Variants in MAPRE2 observed in about 807,000 individuals in gnomAD.
MAPRE2 encodes microtubule associated protein RP/EB family member 2.
Under a neutral mutation model 43.2 loss-of-function variants are expected in MAPRE2, and 13 were observed. That is an observed-to-expected ratio of 0.30 (90% CI 0.20 to 0.48). The LOEUF (loss-of-function observed/expected upper bound fraction) is 0.48. Among genes scored for constraint, MAPRE2 ranks in the 20% least tolerant of loss-of-function variants. The pLI is 0.99. For synonymous variants in MAPRE2, 135 were observed against 148.8 expected (o/e 0.91, Z 0.68); for missense variants, 161 against 400.2 (o/e 0.40, Z 5.10).
At chr18:35,028,060 G>A (rs746023055) in intron 2 of MAPRE2, among the ~76,000 whole-genome samples, 16 of 152,292 alleles carry the variant, frequency 1.1e-4, no homozygotes, top group Non-Finnish European at 1.9e-4. Context: ...TTCTCACAGG[G>A]CAGCTGACCT....
At chr18:35,113,754 A>G (rs1466295673) in intron 4 of MAPRE2, among the ~76,000 whole-genome samples, 1 of 152,024 alleles carries the variant, frequency 6.6e-6, no homozygotes, top group African/African-American at 2.4e-5. Flanking sequence ...TTAGCCAAGC[A>G]TGGTGGCACA....
chr18:35,129,692 A>G (rs1343608246), intron 5 of MAPRE2, among the ~76,000 whole-genome samples: 2 of 152,306 alleles, frequency 1.3e-5, no homozygotes, highest in East Asian at 3.9e-4. Flanking sequence ...ATGGGTGTCG[A>G]TTAGCCCAGG....
chr18:35,118,013 G>C (rs1370690185), intron 4 of MAPRE2, among the ~76,000 whole-genome samples: 1 of 152,068 alleles, frequency 6.6e-6, no homozygotes, highest in Non-Finnish European at 1.5e-5. Context: ...AGAATCACAT[G>C]ATGGCTAAAA....
At chr18:35,111,587 C>A (rs966080906) in intron 4 of MAPRE2, among the ~76,000 whole-genome samples, 2 of 152,162 alleles carry the variant, frequency 1.3e-5, no homozygotes, top group African/African-American at 4.8e-5. Flanking sequence ...AGGCACTTAA[C>A]TCAATTAGAG....
chr18:35,135,439 T>A (rs1258531336), intron 6 of MAPRE2, among the ~76,000 whole-genome samples: 1 of 152,126 alleles, frequency 6.6e-6, no homozygotes, highest in Non-Finnish European at 1.5e-5. Flanking sequence ...CTAGATATCT[T>A]AAAGCCTCCA....
In MAPRE2 at chr18:34,980,189, C is replaced by G. The variant is rs561789776; in HGVS notation, c.-70+3110C>G. On this transcript the variant is annotated intron_variant, in intron 1 of 7. Transcript: ENST00000413393. Reference sequence around the variant, plus strand: ...TACAGGCACACATCATCATGCCCAGCTAATTTTTGTATTTTTATAGAGATG... The same window carrying G: ...TACAGGCACACATCATCATGCCCAGGTAATTTTTGTATTTTTATAGAGATG... Among the ~76,000 whole-genome samples, 3 of 151,972 alleles carry G rather than the reference C, an allele frequency of 2.0e-5. No individual in the cohort carries two copies. In the East Asian group the frequency reaches 5.8e-4, roughly 29 times the overall value.
intron 3 of MAPRE2, among the ~76,000 whole-genome samples, chr18:35,099,376 A>C (rs1295683851): frequency 6.6e-6 from 1 of 152,218 alleles, no homozygotes; most frequent in Non-Finnish European, 1.5e-5. Context: ...ACACTTTGGG[A>C]GGCCAAGGCG....
Position 35,140,373 on chromosome 18 carries a change from A to ACCC in MAPRE2, c.*6_*8dup. ...CCCGCAGCAGGAAGAGTACTGACCCACCCCGGCTGCTCTTGACACTTCCAT... is the reference window on the plus strand; with the variant it reads ...CCCGCAGCAGGAAGAGTACTGACCCACCCCCCCGGCTGCTCTTGACACTTCCAT... On this transcript the variant is annotated 3_prime_UTR_variant, in exon 7 of 7. Transcript: ENST00000300249. 1 of 1,607,118 alleles carries ACCC rather than the reference A, an allele frequency of 6.2e-7. No individual in the cohort carries two copies. Among genetic ancestry groups the ACCC allele is most frequent in the East Asian group, 2.3e-5 (1 of 44,442 alleles).
chr18:35,015,957 C>G (rs2097037986), intron 2 of MAPRE2, among the ~76,000 whole-genome samples: 1 of 151,950 alleles, frequency 6.6e-6, no homozygotes, highest in Non-Finnish European at 1.5e-5. Flanking sequence ...TGCCCCCTTC[C>G]TTCTGCACTC....
At position 35,128,798 on chromosome 18, in the gene MAPRE2, C is replaced by T. The variant is rs368979139; in HGVS notation, c.750+1711C>T. 3.3e-5 allele frequency among the ~76,000 whole-genome samples: 5 copies of T among 152,264 alleles called. No homozygotes were observed. In the South Asian group the frequency reaches 8.3e-4, roughly 25 times the overall value. On this transcript the variant is annotated intron_variant, in intron 5 of 6. Transcript: ENST00000300249. The stretch of plus-strand genomic sequence containing the variant: ...CTTCATGACTCCTCCCTCTCTTCCC[C>T]GTCTGCCACACCCAGTGTCCCACCT...
At chr18:35,039,874 C>T (rs1406096307), upstream of MAPRE2, among the ~76,000 whole-genome samples, 1 of 152,190 alleles carries the variant, frequency 6.6e-6, no homozygotes, top group Non-Finnish European at 1.5e-5. Context: ...CCTTTTCACC[C>T]TATAAAAGGT....
chr18:34,998,689 T>A (rs931638942), intron 1 of MAPRE2, among the ~76,000 whole-genome samples: 6 of 151,210 alleles, frequency 4.0e-5, no homozygotes, highest in African/African-American at 1.5e-4. Flanking sequence ...TCTCGAACTC[T>A]TAACCTCAGG....
intron 3 of MAPRE2, among the ~76,000 whole-genome samples, chr18:35,101,374 C>A (rs1908671596): frequency 6.6e-6 from 1 of 152,180 alleles, no homozygotes; most frequent in Non-Finnish European, 1.5e-5. Context: ...TATCCATTCC[C>A]TCAAGCATTT....
In MAPRE2 at chr18:35,076,987, A is replaced by T. The variant is rs73946512; in HGVS notation, c.250+6665A>T. Among the ~76,000 whole-genome samples the T allele has an allele frequency of 3.8e-3, 586 of 152,286 alleles. 5 individuals carry two copies. The highest frequency in any genetic ancestry group is 0.014 in the African/African-American group (571 of 41,554). On this transcript the variant is annotated intron_variant, in intron 2 of 6. Transcript: ENST00000300249. ...CTGCTGGAGTCTCTCCTGGTTAGTG[A>T]CGAACACCATAAATAAGGGGAAATT...
At chr18:35,097,397 A>G in intron 2 of MAPRE2, 49 bp from the exon 3 acceptor site, 1 of 1,582,872 alleles carries the variant, frequency 6.3e-7, no homozygotes, top group Non-Finnish European at 8.6e-7. Flanking sequence ...CCTCTACCAC[A>G]TCTGGGTACA....
intron 2 of MAPRE2, among the ~76,000 whole-genome samples, chr18:35,007,736 C>A (rs957037573): frequency 6.6e-6 from 1 of 152,202 alleles, no homozygotes; most frequent in African/African-American, 2.4e-5. Context: ...CTGGGTTGCA[C>A]CCTCCTTTAT....
chr18:35,103,284 C>A (rs987650100), intron 4 of MAPRE2, among the ~76,000 whole-genome samples: 1 of 152,116 alleles, frequency 6.6e-6, no homozygotes, highest in Admixed American at 6.6e-5. Context: ...ATGAACAACT[C>A]TGGGAGAGTT....
intron 2 of MAPRE2, among the ~76,000 whole-genome samples, chr18:35,015,918 A>T (rs1321276990): frequency 6.6e-6 from 1 of 151,972 alleles, no homozygotes; most frequent in African/African-American, 2.4e-5. Flanking sequence ...TTGGGTACTA[A>T]GAAAAGTACC....
At chr18:35,011,117 A>G (rs2097034368) in intron 2 of MAPRE2, among the ~76,000 whole-genome samples, 1 of 152,122 alleles carries the variant, frequency 6.6e-6, no homozygotes, top group Non-Finnish European at 1.5e-5. Context: ...CACTGCAGGG[A>G]ATGTTAATGA....
Sources: gnomAD v4.1 joint callset for allele counts (sites outside exome capture counted in the v4.1 genomes callset) on GRCh38, gnomAD v4.1.1 for gene constraint, MANE v1.5 for transcripts, NCBI Gene and HGNC (gene_info 2026-07-23, HGNC 2026-07-21) for gene names.